ATP9B: variants seen among roughly 807,000 people sequenced by gnomAD.
The protein encoded by ATP9B is probable phospholipid-transporting ATPase IIB.
In ATP9B, 110 loss-of-function variants were observed where a neutral mutation model predicts 146.1. That is an observed-to-expected ratio of 0.75 (90% CI 0.65 to 0.88). The LOEUF (loss-of-function observed/expected upper bound fraction) is 0.88, where lower values mean the gene tolerates loss of function less well. ATP9B is among the 40% of genes least tolerant of loss of function. The pLI is 0.00. For missense variants in ATP9B, 1,499 were observed against 1,496.4 expected (o/e 1.00, Z -0.03); for synonymous variants, 604 against 569.7 (o/e 1.06, Z -0.86).
intron 2 of ATP9B, among the ~76,000 whole-genome samples, chr18:79,097,935 C>A (rs28778586): frequency 0.38 from 56,647 of 150,484 alleles, 10,894 homozygotes; most frequent in East Asian, 0.52. Context: ...AGTTCTAGAT[C>A]CCTGAGGAAT....
chr18:79,311,996 C>T (rs190643589), intron 15 of ATP9B, among the ~76,000 whole-genome samples: 16 of 152,312 alleles, frequency 1.1e-4, no homozygotes, highest in African/African-American at 3.6e-4. Flanking sequence ...GCTGTCAAAC[C>T]CGTAATGCCT....
At chr18:79,220,274 A>C (rs1473471404) in intron 11 of ATP9B, among the ~76,000 whole-genome samples, 1 of 152,184 alleles carries the variant, frequency 6.6e-6, no homozygotes, top group African/African-American at 2.4e-5. Context: ...ATAAGCTTTT[A>C]TATAATATTT....
chr18:79,188,083 A>G (rs915242851), intron 8 of ATP9B, among the ~76,000 whole-genome samples: 5 of 152,196 alleles, frequency 3.3e-5, no homozygotes, highest in African/African-American at 1.2e-4. Flanking sequence ...ATGCGTGTGT[A>G]GAATCAACAG....
At chr18:79,273,863 C>G (rs1239331928) in intron 12 of ATP9B, among the ~76,000 whole-genome samples, 2 of 152,218 alleles carry the variant, frequency 1.3e-5, no homozygotes, top group Non-Finnish European at 2.9e-5. Context: ...CCGAGATTTA[C>G]GAATGCTTTC....
chr18:79,123,228 C>T (rs141892674), intron 4 of ATP9B, among the ~76,000 whole-genome samples: 1 of 152,070 alleles, frequency 6.6e-6, no homozygotes. Context: ...AGCAGGGTTG[C>T]AGGATACAAG....
chr18:79,371,269 G>T (rs2097067985), intron 26 of ATP9B, among the ~76,000 whole-genome samples: 1 of 151,016 alleles, frequency 6.6e-6, no homozygotes, highest in Admixed American at 6.6e-5. Context: ...CTACTTGGGA[G>T]GCTGAGGCAG....
Position 79,126,327 on chromosome 18 carries a change from C to T in ATP9B, c.619C>T (p.Arg207Cys), listed in dbSNP as rs771699756. The change falls in exon 5 of 30, where the codon CGT becomes TGT. Residue 207 changes from arginine (R) to cysteine (C), a missense_variant. By Grantham distance (180) the Arg-to-Cys change is radical. Coordinates refer to ENST00000426216, the MANE Select transcript of ATP9B (RefSeq NM_198531.5). ...EAIDEFRRFQ[R>C]DKEVNSQLYS... The stretch of plus-strand genomic sequence containing the variant: ...AATTGATGAATTTCGGCGTTTTCAG[C>T]GTGACAAGGAAGTGAATTCACAACT... The T allele has an allele frequency of 3.1e-6, 5 of 1,611,106 alleles. No homozygotes were observed. The highest frequency in any genetic ancestry group is 2.7e-5 in the African/African-American group (2 of 74,824).
Position 79,256,284 on chromosome 18 carries a change from T to TATAC in ATP9B, c.1268+2751_1268+2754dup, listed in dbSNP as rs1210205878. Among the ~76,000 whole-genome samples, 200 of 122,398 alleles carry TATAC rather than the reference T, an allele frequency of 1.6e-3. 1 individual carries two copies. The highest frequency in any genetic ancestry group is 3.0e-3 in the Non-Finnish European group (164 of 53,790). The allele number at this position is 122,398 out of a possible 152,430, so 80.3% of individuals were successfully genotyped here. On this transcript the variant is annotated intron_variant, in intron 12 of 29. Transcript: ENST00000426216. ...ATATATATATATATATATATATATATATACATACATAGTGAGGCTATGTTA... is the reference window on the plus strand; with the variant it reads ...ATATATATATATATATATATATATATATACATACATACATAGTGAGGCTATGTTA...
intron 11 of ATP9B, among the ~76,000 whole-genome samples, chr18:79,222,352 C>A (rs1435839927): frequency 6.6e-6 from 1 of 151,736 alleles, no homozygotes; most frequent in South Asian, 2.1e-4. Flanking sequence ...GAGTGAGACT[C>A]CATCTCAAAA....
intron 11 of ATP9B, among the ~76,000 whole-genome samples, chr18:79,243,064 C>A (rs1193704656): frequency 6.6e-6 from 1 of 152,198 alleles, no homozygotes; most frequent in Non-Finnish European, 1.5e-5. Flanking sequence ...CTATAACTAT[C>A]CTTCATTCTT....
At chr18:79,373,329 T>C (rs951119360) in intron 27 of ATP9B, among the ~76,000 whole-genome samples, 3 of 152,168 alleles carry the variant, frequency 2.0e-5, no homozygotes, top group Non-Finnish European at 4.4e-5. Flanking sequence ...TTTACACTAA[T>C]TGAAGTAGAG....
At chr18:79,088,620 A>G (rs1028471594) in intron 1 of ATP9B, among the ~76,000 whole-genome samples, 2 of 152,200 alleles carry the variant, frequency 1.3e-5, no homozygotes, top group African/African-American at 2.4e-5. Context: ...GGGTGTTTAA[A>G]AGAGGGGTGA....
At chr18:79,323,101 T>C (rs1354648871) in intron 15 of ATP9B, among the ~76,000 whole-genome samples, 1 of 152,188 alleles carries the variant, frequency 6.6e-6, no homozygotes, top group Non-Finnish European at 1.5e-5. Flanking sequence ...TTCGCGTTAG[T>C]AATCCTCCGT....
At chr18:79,346,457 A>T (rs1173421489) in intron 23 of ATP9B, among the ~76,000 whole-genome samples, 6 of 138,602 alleles carry the variant, frequency 4.3e-5, no homozygotes, top group Non-Finnish European at 7.7e-5. Context: ...CAGTCAGCAC[A>T]CATTCGGCAC....
At chr18:79,149,142 TC>T (rs2147537177) in intron 6 of ATP9B, among the ~76,000 whole-genome samples, 1 of 152,186 alleles carries the variant, frequency 6.6e-6, no homozygotes, top group East Asian at 1.9e-4. Context: ...AGGGTTTTTT[TC>T]TTCTTATTTT....
chr18:79,191,064 T>C (rs2095361902), intron 8 of ATP9B, among the ~76,000 whole-genome samples: 1 of 152,174 alleles, frequency 6.6e-6, no homozygotes, highest in Admixed American at 6.5e-5. Flanking sequence ...TTATTTCACC[T>C]GTATTCTTAA....
At chr18:79,267,591 G>A (rs115186691) in intron 12 of ATP9B, among the ~76,000 whole-genome samples, 2,366 of 152,074 alleles carry the variant, frequency 0.016, 68 homozygotes, top group African/African-American at 0.055. Flanking sequence ...TAATTTCGAC[G>A]TGATTTCATC....
intron 13 of ATP9B, among the ~76,000 whole-genome samples, chr18:79,287,612 T>C (rs1162882396): frequency 1.3e-5 from 2 of 151,256 alleles, no homozygotes; most frequent in African/African-American, 2.4e-5. Context: ...GTGTCTCTAT[T>C]TCCTTCAGTT....
intron 15 of ATP9B, among the ~76,000 whole-genome samples, chr18:79,328,552 G>C (rs537228577): frequency 6.6e-6 from 1 of 152,308 alleles, no homozygotes; most frequent in South Asian, 2.1e-4. Flanking sequence ...GCAGAGTGAA[G>C]ACCTGGCCAC....
Sources: gnomAD v4.1 joint callset for allele counts (sites outside exome capture counted in the v4.1 genomes callset) on GRCh38, gnomAD v4.1.1 for gene constraint, MANE v1.5 for transcripts, NCBI Gene and HGNC (gene_info 2026-07-23, HGNC 2026-07-21) for gene names.